Variants in ANO6 observed in about 807,000 individuals in gnomAD.
ANO6 encodes the protein anoctamin 6.
Under a neutral mutation model 117.5 loss-of-function variants are expected in ANO6, and 106 were observed. That is an observed-to-expected ratio of 0.90 (90% CI 0.77 to 1.06). The LOEUF is 1.06. Among genes scored for constraint, ANO6 ranks in the 50% least tolerant of loss-of-function variants. The pLI is 0.00. For synonymous variants in ANO6, 367 were observed against 385.1 expected, an observed-to-expected ratio of 0.95 and a Z score of 0.55; for missense variants, 955 against 1,121.1, an observed-to-expected ratio of 0.85 and a Z score of 2.12.
rs1218638312 is a variant in ANO6, at chr12:45,308,048, ATTT to A, written c.150+5977_150+5979del. On this transcript the variant is annotated intron_variant, in intron 2 of 19. Coordinates refer to ENST00000320560, the MANE Select transcript of ANO6 (RefSeq NM_001025356.3). Reference sequence around the variant, plus strand: ...GTGTGTGTCTGTGTGTGTGTGTGTAATTTTTTTTTTTTTTTTTTTTTTTTGCCA... The same window carrying A: ...GTGTGTGTCTGTGTGTGTGTGTGTAATTTTTTTTTTTTTTTTTTTTTGCCA... 7.3e-3 allele frequency among the ~76,000 whole-genome samples: 503 copies of A among 69,262 alleles called. 2 individuals carry two copies. Among genetic ancestry groups the A allele is most frequent in the African/African-American group, 0.023 (419 of 18,312 alleles). The allele number at this position is 69,262 out of a possible 152,430, so 45.4% of individuals were successfully genotyped here. A position where few individuals can be genotyped will look rare whatever the true frequency, so the allele number is the denominator to read the frequency against.
chr12:45,366,511 A>C (rs1941690020), intron 8 of ANO6, among the ~76,000 whole-genome samples: 1 of 152,046 alleles, frequency 6.6e-6, no homozygotes, highest in African/African-American at 2.4e-5. Flanking sequence ...CACTTTACTA[A>C]TTTGCTTGGC....
intron 12 of ANO6, among the ~76,000 whole-genome samples, chr12:45,393,452 C>A (rs7358577): frequency 6.6e-6 from 1 of 152,160 alleles, no homozygotes; most frequent in Non-Finnish European, 1.5e-5. Context: ...CTTCCCCAAC[C>A]TAGCAAGGCA....
At chr12:45,432,617 T>C (rs1043799764), downstream of ANO6, among the ~76,000 whole-genome samples, 1 of 152,220 alleles carries the variant, frequency 6.6e-6, no homozygotes, top group African/African-American at 2.4e-5. Flanking sequence ...TACCAGACTT[T>C]TGAATAATGT....
At chr12:45,409,326 GT>G (rs764969556) in intron 15 of ANO6, 30 bp from the exon 16 acceptor site, 1 of 1,612,230 alleles carries the variant, frequency 6.2e-7, no homozygotes, top group South Asian at 1.1e-5. Context: ...GATAATATTC[GT>G]TCTAATTTAT....
At chr12:45,406,648 G>A (rs1942942717) in intron 15 of ANO6, among the ~76,000 whole-genome samples, 1 of 152,154 alleles carries the variant, frequency 6.6e-6, no homozygotes, top group Admixed American at 6.5e-5. Flanking sequence ...GATAGGATTT[G>A]GAGAGAAGAT....
At chr12:45,368,953 T>G (rs1385493750) in intron 9 of ANO6, among the ~76,000 whole-genome samples, 3 of 152,210 alleles carry the variant, frequency 2.0e-5, no homozygotes, top group Admixed American at 2.0e-4. Flanking sequence ...TCAAATAACC[T>G]GCCCAAAGTC....
chr12:45,271,765 G>A (rs2137234888), intron 1 of ANO6, among the ~76,000 whole-genome samples: 1 of 152,306 alleles, frequency 6.6e-6, no homozygotes, highest in East Asian at 1.9e-4. Context: ...CTGCTGAGAT[G>A]CTGAAAAGTA....
intron 12 of ANO6, among the ~76,000 whole-genome samples, chr12:45,396,065 G>A (rs1053073230): frequency 6.6e-6 from 1 of 152,168 alleles, no homozygotes; most frequent in African/African-American, 2.4e-5. Context: ...CCTGTTTGCA[G>A]ATGACATGAT....
chr12:45,429,522 C>A lies in ANO6; in HGVS notation c.*211C>A. On this transcript the variant is annotated 3_prime_UTR_variant, in exon 20 of 20. Coordinates refer to ENST00000320560, the MANE Select transcript of ANO6 (RefSeq NM_001025356.3). Reference sequence around the variant, plus strand: ...CATGAAGGGCATAAAACTTATCACCCGGAAAACCTCAATGTTACCTTTTTC... The same window carrying A: ...CATGAAGGGCATAAAACTTATCACCAGGAAAACCTCAATGTTACCTTTTTC... The A allele has an allele frequency of 7.3e-7, 1 of 1,365,938 alleles. No individual in the cohort carries two copies. The allele number at this position is 1,365,938 out of a possible 1,614,324, so 84.6% of individuals were successfully genotyped here.
At chr12:45,283,449 G>C (rs570920948) in intron 1 of ANO6, among the ~76,000 whole-genome samples, 42 of 152,304 alleles carry the variant, frequency 2.8e-4, no homozygotes, top group African/African-American at 8.7e-4. Flanking sequence ...GGACAGGATG[G>C]GGAAAGGCAA....
Position 45,345,936 on chromosome 12 carries a change from A to T in ANO6, c.280-1086A>T, listed in dbSNP as rs1488910302. 5.1e-5 allele frequency among the ~76,000 whole-genome samples: 7 copies of T among 138,046 alleles called. No homozygotes were observed. The South Asian group carries it at 1.3e-3, about 25-fold the overall frequency. 90.6% of individuals were successfully genotyped at this position (138,046 alleles called of 152,430 possible). On this transcript the variant is annotated intron_variant, in intron 3 of 19. Coordinates refer to ENST00000320560, the MANE Select transcript of ANO6 (RefSeq NM_001025356.3). The stretch of plus-strand genomic sequence containing the variant: ...CTGGTGAGGACTTTGTTGCAGTGTC[A>T]CCCCCACGGTGGTGGGGGAGAGAGA...
chr12:45,232,197 T>G (rs888957725), intron 1 of ANO6, among the ~76,000 whole-genome samples: 1 of 152,196 alleles, frequency 6.6e-6, no homozygotes, highest in African/African-American at 2.4e-5. Context: ...GAGCTTATAT[T>G]CTAATAAGTG....
chr12:45,440,145 G>C (rs1943754748), exon 20 of ANO6: 1 of 416,306 alleles, frequency 2.4e-6, no homozygotes, highest in African/African-American at 2.1e-5. Context: ...ATTATTAAAA[G>C]TATTTTAGAT....
intron 1 of ANO6, among the ~76,000 whole-genome samples, chr12:45,299,677 C>T (rs1268791612): frequency 4.0e-5 from 6 of 151,872 alleles, no homozygotes; most frequent in Admixed American, 6.6e-5. Flanking sequence ...ATGGTGAAAA[C>T]GCTTCTCTAC....
Position 45,242,781 on chromosome 12 carries a change from C to G in ANO6, c.70+26390C>G, listed in dbSNP as rs759771861. ...AAAGTGGATTGAGAAAAGTTCCCCT[C>G]TGAGTGGTTTTTTCTTTTTTCTTTT... On this transcript the variant is annotated intron_variant, in intron 1 of 19. Coordinates refer to ENST00000320560, the MANE Select transcript of ANO6 (RefSeq NM_001025356.3). Among the ~76,000 whole-genome samples the G allele has an allele frequency of 3.9e-5, 6 of 152,292 alleles. 1 individual carries two copies. The highest frequency in any genetic ancestry group is 8.8e-5 in the Non-Finnish European group (6 of 68,026).
At chr12:45,377,164 A>G (rs1366206934) in intron 9 of ANO6, among the ~76,000 whole-genome samples, 2 of 150,136 alleles carry the variant, frequency 1.3e-5, no homozygotes, top group Admixed American at 6.6e-5. Context: ...TTTTACCTAT[A>G]GCTTTTCTAC....
rs190533301 is a variant in ANO6, at chr12:45,303,233, C to G, written c.150+1140C>G. ...GAAAGACGTAGTATTCAATGACTTCCCTATTATATTCAATAAGATTTCTGG... is the reference window on the plus strand; with the variant it reads ...GAAAGACGTAGTATTCAATGACTTCGCTATTATATTCAATAAGATTTCTGG... On this transcript the variant is annotated intron_variant, in intron 2 of 19. Transcript: ENST00000320560. 8.3e-3 allele frequency among the ~76,000 whole-genome samples: 1,262 copies of G among 152,242 alleles called. 16 individuals are homozygous for G. Among genetic ancestry groups the G allele is most frequent in the African/African-American group, 0.027 (1,124 of 41,542 alleles).
intron 1 of ANO6, among the ~76,000 whole-genome samples, chr12:45,221,406 C>T (rs1246817000): frequency 1.3e-5 from 2 of 152,134 alleles, no homozygotes; most frequent in African/African-American, 4.8e-5. Context: ...AAATGTAGTG[C>T]AGAGATGGCC....
In ANO6 at chr12:45,400,866, G is replaced by A. The variant is rs112426367; in HGVS notation, c.1387-929G>A. Reference sequence around the variant, plus strand: ...CATCACGAGCAGTCACACACCTTGAGTGCATGGTTCTGGAGAAAGTAGATG... The same window carrying A: ...CATCACGAGCAGTCACACACCTTGAATGCATGGTTCTGGAGAAAGTAGATG... On this transcript the variant is annotated intron_variant, in intron 12 of 19. Transcript: ENST00000320560. Among the ~76,000 whole-genome samples, 1,471 of 152,322 alleles carry A rather than the reference G, an allele frequency of 9.7e-3. 26 individuals are homozygous for A. The highest frequency in any genetic ancestry group is 0.034 in the African/African-American group (1,411 of 41,568).
Sources: allele counts gnomAD v4.1 joint callset (sites outside exome capture counted in the v4.1 genomes callset), GRCh38; gene constraint gnomAD v4.1.1; transcripts MANE v1.5; gene names NCBI Gene and HGNC (gene_info 2026-07-23, HGNC 2026-07-21).